The following ARHGAP25 variants were observed in gnomAD, a reference collection of about 807,000 sequenced individuals.
ARHGAP25 encodes rho GTPase-activating protein 25.
A neutral mutation model predicts 71.0 loss-of-function variants in ARHGAP25; 34 were observed. That is an observed-to-expected ratio of 0.48 (90% CI 0.36 to 0.64). ARHGAP25 has a LOEUF of 0.64. Ranked by LOEUF, ARHGAP25 falls within the 30% of genes least tolerant of loss-of-function variation. The pLI, the probability that ARHGAP25 is intolerant of heterozygous loss-of-function variation, is 0.00. For synonymous variants in ARHGAP25, 282 were observed against 296.5 expected (o/e 0.95, Z 0.50); for missense variants, 706 against 805.1 (o/e 0.88, Z 1.49).
chr2:68,812,844 A>G lies in ARHGAP25; in HGVS notation c.675-443A>G, dbSNP rs574789307. Reference sequence around the variant, plus strand: ...ATTGATTGAGTGAATTATTGAGTAAATACGTGAGTGAACCTCAGAACTATT... The same window carrying G: ...ATTGATTGAGTGAATTATTGAGTAAGTACGTGAGTGAACCTCAGAACTATT... On this transcript the variant is annotated intron_variant, in intron 5 of 10. Coordinates refer to ENST00000409202, the MANE Select transcript of ARHGAP25 (RefSeq NM_001007231.3). Among the ~76,000 whole-genome samples, 3 of 152,318 alleles carry G rather than the reference A, an allele frequency of 2.0e-5. No individual in the cohort carries two copies. The South Asian group carries it at 6.2e-4, about 32-fold the overall frequency.
At chr2:68,741,221 C>A (rs907211987) in intron 1 of ARHGAP25, among the ~76,000 whole-genome samples, 7 of 152,132 alleles carry the variant, frequency 4.6e-5, no homozygotes, top group African/African-American at 1.7e-4. Flanking sequence ...AGCTTCCCTG[C>A]AAGTAATGAT....
At chr2:68,723,472 A>C (rs1412793134) in intron 2 of ARHGAP25, among the ~76,000 whole-genome samples, 1 of 152,138 alleles carries the variant, frequency 6.6e-6, no homozygotes, top group Non-Finnish European at 1.5e-5. Flanking sequence ...TGGCTGTTTC[A>C]TGACTGTGCT....
intron 2 of ARHGAP25, among the ~76,000 whole-genome samples, chr2:68,714,070 C>T (rs1415093696): frequency 6.6e-6 from 1 of 152,072 alleles, no homozygotes; most frequent in African/African-American, 2.4e-5. Flanking sequence ...GTACCAGCTC[C>T]TCTTTGTACC....
chr2:68,750,615 C>T (rs918042987), intron 1 of ARHGAP25, among the ~76,000 whole-genome samples: 4 of 152,314 alleles, frequency 2.6e-5, no homozygotes, highest in South Asian at 2.1e-4. Context: ...GCCACCGCAC[C>T]GGGCCGAGCA....
intron 1 of ARHGAP25, among the ~76,000 whole-genome samples, chr2:68,772,182 C>T (rs1172852871): frequency 6.6e-6 from 1 of 152,234 alleles, no homozygotes; most frequent in Non-Finnish European, 1.5e-5. Context: ...ATCTTTTTCT[C>T]TTCTGCTAAC....
chr2:68,739,529 T>C (rs1230982337), intron 1 of ARHGAP25, among the ~76,000 whole-genome samples: 1 of 152,142 alleles, frequency 6.6e-6, no homozygotes, highest in Non-Finnish European at 1.5e-5. Flanking sequence ...AGTAAGTTGA[T>C]GAAAATGGTC....
upstream of ARHGAP25, among the ~76,000 whole-genome samples, chr2:68,730,691 A>G (rs1675001465): frequency 6.6e-6 from 1 of 151,628 alleles, no homozygotes; most frequent in South Asian, 2.1e-4. Flanking sequence ...CTAGAGTCCA[A>G]CCCTTCAGCA....
At chr2:68,769,689 G>A (rs574285538) in intron 1 of ARHGAP25, among the ~76,000 whole-genome samples, 1 of 152,186 alleles carries the variant, frequency 6.6e-6, no homozygotes, top group East Asian at 1.9e-4. Context: ...CAGAGCCAGG[G>A]AGCAACTAAG....
chr2:68,752,101 G>T (rs1676214705), intron 1 of ARHGAP25, among the ~76,000 whole-genome samples: 1 of 152,194 alleles, frequency 6.6e-6, no homozygotes, highest in Non-Finnish European at 1.5e-5. Flanking sequence ...GTTGGGGCAG[G>T]GATTTACTGT....
chr2:68,800,624 T>C (rs891827065), intron 4 of ARHGAP25, among the ~76,000 whole-genome samples: 10 of 152,124 alleles, frequency 6.6e-5, no homozygotes, highest in African/African-American at 2.4e-4. Flanking sequence ...TTTTATTCCA[T>C]TAGCTTTAAA....
intron 1 of ARHGAP25, among the ~76,000 whole-genome samples, chr2:68,739,343 G>A (rs1000624401): frequency 2.0e-5 from 3 of 152,186 alleles, no homozygotes; most frequent in Non-Finnish European, 4.4e-5. Flanking sequence ...ATCACTATAA[G>A]TCACTTCATT....
chr2:68,717,885 T>C (rs1259235882), intron 2 of ARHGAP25, among the ~76,000 whole-genome samples: 2 of 152,212 alleles, frequency 1.3e-5, no homozygotes, highest in East Asian at 3.8e-4. Context: ...ATTAACTTAA[T>C]ATTCATAAAA....
intron 4 of ARHGAP25, among the ~76,000 whole-genome samples, chr2:68,788,999 C>A (rs1347433407): frequency 6.6e-6 from 1 of 151,764 alleles, no homozygotes; most frequent in Non-Finnish European, 1.5e-5. Flanking sequence ...TTCAGAATGG[C>A]TTAAGCATTT....
intron 10 of ARHGAP25, among the ~76,000 whole-genome samples, chr2:68,824,115 T>C (rs776234459): frequency 6.6e-6 from 1 of 152,230 alleles, no homozygotes; most frequent in Non-Finnish European, 1.5e-5. Context: ...ATGTAGCTTG[T>C]TTGTCTAAGA....
chr2:68,821,092 C>CTTTTTTT (rs34119311), intron 9 of ARHGAP25, among the ~76,000 whole-genome samples: 143 of 99,426 alleles, frequency 1.4e-3, no homozygotes, highest in African/African-American at 3.4e-3. Context: ...CTTTTTCTTT[C>CTTTTTTT]TTTTTTTTTT....
At position 68,802,915 on chromosome 2, in the gene ARHGAP25, A is replaced by T. The variant is rs529174563; in HGVS notation, c.467-4358A>T. Reference sequence around the variant, plus strand: ...TATGTACACACACATATATCCATATATACACATATATCCATATATACACAT... The same window carrying T: ...TATGTACACACACATATATCCATATTTACACATATATCCATATATACACAT... On this transcript the variant is annotated intron_variant, in intron 4 of 10. Transcript: ENST00000409202. 8.4e-5 allele frequency among the ~76,000 whole-genome samples: 12 copies of T among 143,652 alleles called. No individual in the cohort carries two copies. The East Asian group carries it at 2.1e-3, about 25-fold the overall frequency. The allele number at this position is 143,652 out of a possible 152,430, so 94.2% of individuals were successfully genotyped here.
intron 1 of ARHGAP25, among the ~76,000 whole-genome samples, chr2:68,771,639 T>G (rs61352544): frequency 0.071 from 10,794 of 152,228 alleles, 507 homozygotes; most frequent in African/African-American, 0.13. Context: ...GGCTCTGCAC[T>G]TGGGATGGAA....
intron 1 of ARHGAP25, among the ~76,000 whole-genome samples, chr2:68,745,330 C>T (rs1675750562): frequency 6.6e-6 from 1 of 152,120 alleles, no homozygotes; most frequent in Non-Finnish European, 1.5e-5. Context: ...ACTCTGTGCC[C>T]ACCACATCCT....
At chr2:68,797,050 C>G (rs1195801955) in intron 4 of ARHGAP25, among the ~76,000 whole-genome samples, 10 of 152,122 alleles carry the variant, frequency 6.6e-5, no homozygotes, top group Admixed American at 6.5e-4. Context: ...GACCTCTGTT[C>G]CCCAGAAGAG....
Sources: allele counts gnomAD v4.1 joint callset (sites outside exome capture counted in the v4.1 genomes callset), GRCh38; gene constraint gnomAD v4.1.1; transcripts MANE v1.5; gene names NCBI Gene and HGNC (gene_info 2026-07-23, HGNC 2026-07-21).